Variants in DCC observed in about 807,000 individuals in gnomAD.
The protein encoded by DCC is netrin receptor DCC.
DCC carries 58 observed loss-of-function variants against 172.5 expected under a neutral mutation model. The observed-to-expected ratio is 0.34, with a 90% CI of 0.27 to 0.42. DCC has a LOEUF of 0.42. Ranked by LOEUF, DCC falls within the 10% of genes least tolerant of loss-of-function variation. The probability of loss-of-function intolerance (pLI) is 1.00; values close to 1 mark genes in which losing one functional copy is unlikely to be tolerated. For synonymous variants in DCC, 709 were observed against 644.5 expected (o/e 1.10, Z -1.52); for missense variants, 1,740 against 1,791.0 (o/e 0.97, Z 0.51).
At chr18:52,441,090 A>G (rs1987957051) in intron 1 of DCC, among the ~76,000 whole-genome samples, 1 of 152,228 alleles carries the variant, frequency 6.6e-6, no homozygotes, top group Non-Finnish European at 1.5e-5. Context: ...GAAAATAGTC[A>G]ATAATATCTT....
At chr18:52,418,983 C>T (rs1289076603) in intron 1 of DCC, among the ~76,000 whole-genome samples, 2 of 151,582 alleles carry the variant, frequency 1.3e-5, no homozygotes, top group Non-Finnish European at 2.9e-5. Context: ...GCCTCAGCCT[C>T]CCCAGTAGCT....
At chr18:52,410,235 G>A (rs953005743) in intron 1 of DCC, among the ~76,000 whole-genome samples, 1 of 152,064 alleles carries the variant, frequency 6.6e-6, no homozygotes, top group African/African-American at 2.4e-5. Flanking sequence ...ACCACTCTGG[G>A]CAACAAAATA....
intron 1 of DCC, among the ~76,000 whole-genome samples, chr18:52,478,691 C>T (rs1284785046): frequency 3.9e-5 from 6 of 152,128 alleles, no homozygotes; most frequent in Non-Finnish European, 8.8e-5. Context: ...CATAACATAG[C>T]CACAGCAGGA....
At chr18:53,338,298 T>G (rs1367634) in intron 14 of DCC, among the ~76,000 whole-genome samples, 94,384 of 152,076 alleles carry the variant, frequency 0.62, 29,857 homozygotes, top group African/African-American at 0.68. Context: ...AACATAATAG[T>G]TGTTGTATAA....
chr18:53,359,025 T>G (rs186996610), intron 15 of DCC, among the ~76,000 whole-genome samples: 17 of 152,278 alleles, frequency 1.1e-4, no homozygotes, highest in African/African-American at 4.1e-4. Flanking sequence ...AAAGATAAAG[T>G]AAGATTCATC....
At chr18:52,718,943 G>A (rs1419676135) in intron 1 of DCC, among the ~76,000 whole-genome samples, 34 of 152,178 alleles carry the variant, frequency 2.2e-4, no homozygotes, top group Admixed American at 2.2e-3. Flanking sequence ...TTCTCTCACA[G>A]CTGTGGAGAC....
intron 15 of DCC, 90 bp from the exon 16 acceptor site, chr18:53,385,953 T>C: frequency 1.1e-6 from 1 of 870,682 alleles, no homozygotes; most frequent in Admixed American, 1.8e-5. Context: ...GTAGATTATA[T>C]GAAATTTGTT....
At chr18:53,202,453 A>C (rs893386279) in intron 9 of DCC, among the ~76,000 whole-genome samples, 1 of 152,198 alleles carries the variant, frequency 6.6e-6, no homozygotes, top group Non-Finnish European at 1.5e-5. Context: ...GCTTATAGTC[A>C]AATGCTAAGT....
chr18:53,202,911 A>G (rs181242618), intron 9 of DCC, among the ~76,000 whole-genome samples: 10 of 152,322 alleles, frequency 6.6e-5, no homozygotes, highest in Non-Finnish European at 1.3e-4. Flanking sequence ...CTGAAAGTCA[A>G]TGTATTTAGT....
intron 12 of DCC, among the ~76,000 whole-genome samples, chr18:53,268,542 G>A (rs990658697): frequency 6.6e-6 from 1 of 151,872 alleles, no homozygotes; most frequent in Non-Finnish European, 1.5e-5. Flanking sequence ...GTCTAATCAG[G>A]ACTTCTCAGC....
intron 15 of DCC, among the ~76,000 whole-genome samples, chr18:53,359,036 C>T (rs116869567): frequency 1.3e-5 from 2 of 152,040 alleles, no homozygotes; most frequent in Non-Finnish European, 2.9e-5. Context: ...AAGATTCATC[C>T]TCATGGGACG....
chr18:52,716,802 A>G (rs1023343919), intron 1 of DCC, among the ~76,000 whole-genome samples: 1 of 152,110 alleles, frequency 6.6e-6, no homozygotes. Context: ...AGTTTCTCTG[A>G]GCATTCTACT....
intron 20 of DCC, among the ~76,000 whole-genome samples, chr18:53,413,550 G>T (rs1442477057): frequency 6.6e-6 from 1 of 152,160 alleles, no homozygotes; most frequent in East Asian, 1.9e-4. Flanking sequence ...TCTATTCAGT[G>T]CAGCTTTGCT....
At chr18:53,020,570 A>G (rs1470849323) in intron 5 of DCC, among the ~76,000 whole-genome samples, 2 of 152,214 alleles carry the variant, frequency 1.3e-5, no homozygotes, top group African/African-American at 4.8e-5. Context: ...TTTCACACTC[A>G]TTAGTTCCTA....
intron 1 of DCC, among the ~76,000 whole-genome samples, chr18:52,714,505 A>T (rs1369363221): frequency 6.6e-6 from 1 of 152,216 alleles, no homozygotes; most frequent in Non-Finnish European, 1.5e-5. Flanking sequence ...GAACATAGGT[A>T]GAAGGGCATA....
At chr18:53,075,529 CAG>C (rs976716597) in intron 7 of DCC, among the ~76,000 whole-genome samples, 6 of 148,448 alleles carry the variant, frequency 4.0e-5, no homozygotes, top group African/African-American at 1.5e-4. Context: ...GTAAATATAC[CAG>C]AGTGTTATCC....
At chr18:52,581,680 C>T (rs1415677238) in intron 1 of DCC, among the ~76,000 whole-genome samples, 4 of 151,950 alleles carry the variant, frequency 2.6e-5, no homozygotes, top group African/African-American at 4.8e-5. Flanking sequence ...ATTTCTTCAC[C>T]CCTTCATTTT....
Position 53,087,546 on chromosome 18 carries a change from G to A in DCC, c.1261+21380G>A, listed in dbSNP as rs532977275. 1.2e-3 allele frequency among the ~76,000 whole-genome samples: 175 copies of A among 152,118 alleles called. 1 individual carries two copies. Among genetic ancestry groups the A allele is most frequent in the African/African-American group, 4.1e-3 (170 of 41,486 alleles). On this transcript the variant is annotated intron_variant, in intron 7 of 28. Coordinates refer to ENST00000442544, the MANE Select transcript of DCC (RefSeq NM_005215.4). ...GGTTGTGAAAATTTTCTCCCATTTT[G>A]TAGGTTGCCTGTTTACTCTGATGGT...
At chr18:52,776,955 G>C (rs892535611) in intron 2 of DCC, among the ~76,000 whole-genome samples, 1 of 152,190 alleles carries the variant, frequency 6.6e-6, no homozygotes, top group Non-Finnish European at 1.5e-5. Context: ...GAAGGTCCTT[G>C]ACTAGCAATA....
Sources: allele counts gnomAD v4.1 joint callset (sites outside exome capture counted in the v4.1 genomes callset), GRCh38; gene constraint gnomAD v4.1.1; transcripts MANE v1.5; gene names NCBI Gene and HGNC (gene_info 2026-07-23, HGNC 2026-07-21).